ASTN2: variants seen among roughly 807,000 people sequenced by gnomAD.
The protein encoded by ASTN2 is astrotactin 2, also known as astrotactin-2.
ASTN2 carries 54 observed loss-of-function variants against 139.8 expected under a neutral mutation model. That is an observed-to-expected ratio of 0.39 (90% CI 0.31 to 0.48). The LOEUF (loss-of-function observed/expected upper bound fraction) is 0.48, where lower values mean the gene tolerates loss of function less well. Among genes scored for constraint, ASTN2 ranks in the 20% least tolerant of loss-of-function variants. The probability of loss-of-function intolerance (pLI) is 0.95; values close to 1 mark genes in which losing one functional copy is unlikely to be tolerated. For synonymous variants in ASTN2, 756 were observed against 719.5 expected (o/e 1.05, Z -0.81); for missense variants, 1,565 against 1,725.1 (o/e 0.91, Z 1.64).
At chr9:116,920,717 T>C (rs1834582340) in intron 10 of ASTN2, among the ~76,000 whole-genome samples, 1 of 152,192 alleles carries the variant, frequency 6.6e-6, no homozygotes, top group African/African-American at 2.4e-5. Context: ...CCGGTATGTG[T>C]TCACTGAGTA....
chr9:116,670,351 G>A (rs1183750398), intron 16 of ASTN2, among the ~76,000 whole-genome samples: 1 of 152,088 alleles, frequency 6.6e-6, no homozygotes. Flanking sequence ...GTGTCCACAA[G>A]GGCAGGAGGT....
intron 2 of ASTN2, among the ~76,000 whole-genome samples, chr9:117,233,461 A>G (rs986576151): frequency 1.2e-4 from 18 of 152,292 alleles, no homozygotes; most frequent in Admixed American, 8.5e-4. Flanking sequence ...GATGCACATG[A>G]AAAAGCTTTG....
At chr9:116,708,656 T>C (rs549961001) in intron 16 of ASTN2, among the ~76,000 whole-genome samples, 3 of 152,144 alleles carry the variant, frequency 2.0e-5, no homozygotes, top group African/African-American at 7.2e-5. Flanking sequence ...CCACACAAAT[T>C]ACCAAGTCCT....
At chr9:116,652,261 G>T (rs1295080775) in intron 16 of ASTN2, among the ~76,000 whole-genome samples, 1 of 152,168 alleles carries the variant, frequency 6.6e-6, no homozygotes, top group Non-Finnish European at 1.5e-5. Flanking sequence ...AGGAAGCAGA[G>T]GTTGCAGTGA....
chr9:116,561,680 A>C (rs1413120143), intron 19 of ASTN2, among the ~76,000 whole-genome samples: 1 of 152,200 alleles, frequency 6.6e-6, no homozygotes. Flanking sequence ...CCAGGGAGCA[A>C]AGATAAAGAT....
chr9:117,333,592 C>G (rs921167620), intron 1 of ASTN2, among the ~76,000 whole-genome samples: 2 of 152,158 alleles, frequency 1.3e-5, no homozygotes, highest in Non-Finnish European at 2.9e-5. Flanking sequence ...TGGGCTTCCA[C>G]ATAAGACTTC....
chr9:117,296,653 T>A (rs1402853471), intron 1 of ASTN2, among the ~76,000 whole-genome samples: 2 of 152,234 alleles, frequency 1.3e-5, no homozygotes, highest in East Asian at 1.9e-4. Context: ...AGGCAGATTA[T>A]GCTGACATGA....
intron 19 of ASTN2, among the ~76,000 whole-genome samples, chr9:116,535,438 T>C (rs1485092831): frequency 1.3e-5 from 2 of 152,198 alleles, no homozygotes; most frequent in Non-Finnish European, 2.9e-5. Context: ...TGTTAGTTGA[T>C]GCAGTTTCCT....
chr9:116,486,252 G>C (rs1849335166), intron 20 of ASTN2, among the ~76,000 whole-genome samples: 1 of 152,214 alleles, frequency 6.6e-6, no homozygotes, highest in Non-Finnish European at 1.5e-5. Flanking sequence ...ACAGTGCTTA[G>C]CGCAGAACCA....
At chr9:116,753,468 C>A (rs1479615188) in intron 13 of ASTN2, among the ~76,000 whole-genome samples, 1 of 152,064 alleles carries the variant, frequency 6.6e-6, no homozygotes, top group Non-Finnish European at 1.5e-5. Flanking sequence ...TTGTTCAAAC[C>A]CATAGAACTA....
rs112509262 is a variant in ASTN2, at chr9:116,763,168, T to C, written c.2397-29645A>G. On this transcript the variant is annotated intron_variant, in intron 13 of 22. Transcript: ENST00000313400. ...ACTACAAACTGTGTGAGGGTAGAGA[T>C]TGAGACAATCTTGTTTGTCACTGTC... Among the ~76,000 whole-genome samples the C allele has an allele frequency of 9.9e-3, 1,502 of 152,268 alleles. 18 individuals are homozygous for C. The highest frequency in any genetic ancestry group is 0.033 in the African/African-American group (1,379 of 41,544).
chr9:117,234,168 C>T (rs938102585), intron 2 of ASTN2, among the ~76,000 whole-genome samples: 7 of 152,176 alleles, frequency 4.6e-5, no homozygotes, highest in African/African-American at 1.4e-4. Context: ...AGGGTAGAGA[C>T]AACTCCTCTC....
intron 7 of ASTN2, among the ~76,000 whole-genome samples, chr9:116,982,391 G>C (rs916353493): frequency 5.3e-5 from 8 of 152,238 alleles, no homozygotes; most frequent in Non-Finnish European, 7.3e-5. Flanking sequence ...CAAAACAGCT[G>C]TTTGGGTTCA....
intron 10 of ASTN2, among the ~76,000 whole-genome samples, chr9:116,906,109 T>C (rs1834151660): frequency 6.6e-6 from 1 of 151,940 alleles, no homozygotes; most frequent in African/African-American, 2.4e-5. Flanking sequence ...TGCTTGGGGC[T>C]CGAGATGACC....
chr9:117,050,993 C>T (rs1303377595), intron 5 of ASTN2, among the ~76,000 whole-genome samples: 1 of 152,170 alleles, frequency 6.6e-6, no homozygotes, highest in Non-Finnish European at 1.5e-5. Flanking sequence ...TCAAAGAGAA[C>T]TCCCATCTCA....
chr9:117,278,675 A>G (rs1168168568), intron 2 of ASTN2, among the ~76,000 whole-genome samples: 1 of 152,170 alleles, frequency 6.6e-6, no homozygotes, highest in Non-Finnish European at 1.5e-5. Context: ...ACAGAGAAGG[A>G]AGGAAGAAAA....
At chr9:116,464,420 A>G (rs897156058) in intron 20 of ASTN2, among the ~76,000 whole-genome samples, 2 of 131,456 alleles carry the variant, frequency 1.5e-5, no homozygotes, top group Non-Finnish European at 1.8e-5. Context: ...ACTTCCATCA[A>G]TGGTAATGCA....
chr9:116,686,973 TTGCTGAGG>T, intron 16 of ASTN2: 2 of 1,459,138 alleles, frequency 1.4e-6, no homozygotes, highest in Admixed American at 4.5e-5. Flanking sequence ...TGCCAACGCT[TTGCTGAGG>T]ACTACCCTGG....
At chr9:116,527,674 C>T (rs1423131474) in intron 19 of ASTN2, among the ~76,000 whole-genome samples, 1 of 152,130 alleles carries the variant, frequency 6.6e-6, no homozygotes, top group African/African-American at 2.4e-5. Flanking sequence ...GGCTCTGTGT[C>T]CCCACACAAA....
Sources: gnomAD v4.1 joint callset for allele counts (sites outside exome capture counted in the v4.1 genomes callset) on GRCh38, gnomAD v4.1.1 for gene constraint, MANE v1.5 for transcripts, NCBI Gene and HGNC (gene_info 2026-07-23, HGNC 2026-07-21) for gene names.